Variants in PTPRD observed in about 807,000 individuals in gnomAD.
PTPRD encodes receptor-type tyrosine-protein phosphatase delta.
PTPRD carries 34 observed loss-of-function variants against 214.5 expected under a neutral mutation model. That is an observed-to-expected ratio of 0.16 (90% CI 0.12 to 0.21). The LOEUF is 0.21. Among genes scored for constraint, PTPRD ranks in the 10% least tolerant of loss-of-function variants. PTPRD has a pLI of 1.00. For missense variants in PTPRD, 2,545 were observed against 2,398.7 expected (o/e 1.06, Z -1.27); for synonymous variants, 1,128 against 845.7 (o/e 1.33, Z -5.79).
At position 8,902,864 on chromosome 9, in the gene PTPRD, T is replaced by A. The variant is rs181873439; in HGVS notation, c.-104+115833A>T. On this transcript the variant is annotated intron_variant, in intron 11 of 45. Transcript: ENST00000381196. ...CTTCAAAATCATCATTCGAAGGTAA[T>A]CATAATTTCTATTTCTGTTAAGATT... Among the ~76,000 whole-genome samples, 373 of 152,300 alleles carry A rather than the reference T, an allele frequency of 2.4e-3. 7 individuals are homozygous for A. The highest frequency in any genetic ancestry group is 2.6e-3 in the Non-Finnish European group (179 of 68,028).
intron 5 of PTPRD, among the ~76,000 whole-genome samples, chr9:9,927,780 T>C (rs559517097): frequency 2.4e-4 from 36 of 152,308 alleles, no homozygotes; most frequent in South Asian, 1.0e-3. Context: ...TCTTTAGTCA[T>C]TGAGAGCCAT....
chr9:8,879,140 A>G (rs1048016965), intron 11 of PTPRD, among the ~76,000 whole-genome samples: 1 of 152,180 alleles, frequency 6.6e-6, no homozygotes, highest in Non-Finnish European at 1.5e-5. Flanking sequence ...CTGGGTCCCC[A>G]AGTATCTATA....
intron 2 of PTPRD, among the ~76,000 whole-genome samples, chr9:10,568,660 A>T (rs1414892663): frequency 6.6e-6 from 1 of 152,162 alleles, no homozygotes; most frequent in Non-Finnish European, 1.5e-5. Flanking sequence ...TGACAAAAAC[A>T]AGAAATGGGG....
At chr9:9,386,754 T>C (rs956197461) in intron 9 of PTPRD, among the ~76,000 whole-genome samples, 12 of 151,980 alleles carry the variant, frequency 7.9e-5, no homozygotes, top group Non-Finnish European at 1.3e-4. Context: ...ACCCTCTGGA[T>C]GGGGAAAAAA....
At chr9:8,528,362 T>C (rs1198511702) in intron 15 of PTPRD, 3 of 594,490 alleles carry the variant, frequency 5.0e-6, no homozygotes, top group African/African-American at 3.8e-5. Flanking sequence ...CAGTGAGCAA[T>C]GTGGATTAAA....
At chr9:9,672,582 G>T (rs1360356815) in intron 7 of PTPRD, among the ~76,000 whole-genome samples, 2 of 152,090 alleles carry the variant, frequency 1.3e-5, no homozygotes, top group Non-Finnish European at 2.9e-5. Context: ...TAAAGCTCAT[G>T]ATCTGAACAT....
chr9:9,661,684 A>T (rs956041092), intron 7 of PTPRD, among the ~76,000 whole-genome samples: 5 of 151,862 alleles, frequency 3.3e-5, no homozygotes, highest in African/African-American at 1.2e-4. Flanking sequence ...TCTTGCAAAT[A>T]GCACTAGGTT....
chr9:9,273,968 C>T (rs1943971492), intron 9 of PTPRD, among the ~76,000 whole-genome samples: 2 of 151,306 alleles, frequency 1.3e-5, no homozygotes, highest in Non-Finnish European at 3.0e-5. Flanking sequence ...CTGTAATCAA[C>T]CTATTTTTTT....
chr9:8,558,711 C>T (rs937533819), intron 14 of PTPRD, among the ~76,000 whole-genome samples: 1 of 152,178 alleles, frequency 6.6e-6, no homozygotes, highest in African/African-American at 2.4e-5. Context: ...GTTGTCATCA[C>T]TATCCATTTA....
At chr9:9,383,519 T>G (rs1191188786) in intron 9 of PTPRD, among the ~76,000 whole-genome samples, 2 of 152,146 alleles carry the variant, frequency 1.3e-5, no homozygotes, top group African/African-American at 4.8e-5. Context: ...GTATATTATT[T>G]GATTGAGGCA....
At chr9:8,536,061 AT>A (rs138210418) in intron 14 of PTPRD, among the ~76,000 whole-genome samples, 4,461 of 151,954 alleles carry the variant, frequency 0.029, 127 homozygotes, top group African/African-American at 0.081. Flanking sequence ...TATCATTATC[AT>A]TTTTTTGTGG....
At chr9:9,050,687 G>A (rs950039778) in intron 10 of PTPRD, among the ~76,000 whole-genome samples, 2 of 41,550 alleles carry the variant, frequency 4.8e-5, no homozygotes. Context: ...TGCTATACAT[G>A]CTACCTACCT....
chr9:8,650,880 T>TC, intron 12 of PTPRD, among the ~76,000 whole-genome samples: 1 of 152,170 alleles, frequency 6.6e-6, no homozygotes, highest in Non-Finnish European at 1.5e-5. Context: ...AGCATTCTTT[T>TC]TTTTTTTTTA....
At chr9:9,578,513 T>C (rs2089743612) in intron 7 of PTPRD, among the ~76,000 whole-genome samples, 1 of 152,052 alleles carries the variant, frequency 6.6e-6, no homozygotes, top group African/African-American at 2.4e-5. Context: ...ATAAAAATTA[T>C]TTGGAAACCT....
At chr9:10,531,180 C>T (rs1459459594) in intron 2 of PTPRD, among the ~76,000 whole-genome samples, 1 of 151,946 alleles carries the variant, frequency 6.6e-6, no homozygotes, top group African/African-American at 2.4e-5. Context: ...AAACTCCTGA[C>T]CTCAAGTGAT....
chr9:9,806,484 T>A (rs1308200784), intron 5 of PTPRD, among the ~76,000 whole-genome samples: 1 of 152,154 alleles, frequency 6.6e-6, no homozygotes, highest in Non-Finnish European at 1.5e-5. Context: ...CCCTTGTGAA[T>A]GTACTTTGTA....
intron 9 of PTPRD, among the ~76,000 whole-genome samples, chr9:9,384,496 AG>A (rs1240638389): frequency 2.0e-5 from 3 of 151,234 alleles, no homozygotes; most frequent in Non-Finnish European, 4.4e-5. Context: ...GAGCTCTTGC[AG>A]TAAGTATTCA....
chr9:8,667,372 C>A (rs898998112), intron 12 of PTPRD, among the ~76,000 whole-genome samples: 2 of 151,994 alleles, frequency 1.3e-5, no homozygotes, highest in Admixed American at 1.3e-4. Context: ...CCAGAAAATT[C>A]AATTTTTTTT....
Position 8,486,127 on chromosome 9 carries a change from G to A in PTPRD, c.2690C>T (p.Ala897Val), listed in dbSNP as rs201045220. Residue 897 changes from alanine (A) to valine (V), a missense_variant, in exon 28 of 46, where the codon GCC (alanine) becomes GTC (valine). By Grantham distance (64) the Ala-to-Val change is moderately conservative. Transcript: ENST00000381196. ...CTCCCCAAAGCCCACTTTGTTTCTG[G>A]CTGAGAGCCTGAAGACGTATGATGC... ...KGASYVFRLSARNKVGFGEEM... is the reference protein window; with the variant it reads ...KGASYVFRLSVRNKVGFGEEM... 1.7e-5 allele frequency: 27 copies of A among 1,614,054 alleles called. No homozygotes were observed. Among genetic ancestry groups the A allele is most frequent in the Non-Finnish European group, 1.5e-5 (18 of 1,180,022 alleles).
Sources: gnomAD v4.1 joint callset for allele counts (sites outside exome capture counted in the v4.1 genomes callset) on GRCh38, gnomAD v4.1.1 for gene constraint, MANE v1.5 for transcripts, NCBI Gene and HGNC (gene_info 2026-07-23, HGNC 2026-07-21) for gene names.